The following NBEA variants were observed in gnomAD, a reference collection of about 807,000 sequenced individuals.
NBEA encodes the protein lysosomal-trafficking regulator 2.
A neutral mutation model predicts 343.4 loss-of-function variants in NBEA; 44 were observed. That is an observed-to-expected ratio of 0.13 (90% CI 0.10 to 0.16). The LOEUF is 0.16. NBEA is among the 10% of genes least tolerant of loss of function. The pLI, the probability that NBEA is intolerant of heterozygous loss-of-function variation, is 1.00. For missense variants in NBEA, 2,555 were observed against 3,631.3 expected, an observed-to-expected ratio of 0.70 and a Z score of 7.62; for synonymous variants, 1,175 against 1,238.7, an observed-to-expected ratio of 0.95 and a Z score of 1.08.
At chr13:35,083,124 G>A (rs548088074) in intron 10 of NBEA, among the ~76,000 whole-genome samples, 1 of 152,122 alleles carries the variant, frequency 6.6e-6, no homozygotes, top group Non-Finnish European at 1.5e-5. Context: ...TCCAGTTTCA[G>A]CTCTGTACAT....
intron 38 of NBEA, among the ~76,000 whole-genome samples, chr13:35,387,169 T>C (rs2042280201): frequency 6.6e-6 from 1 of 152,156 alleles, no homozygotes; most frequent in Non-Finnish European, 1.5e-5. Flanking sequence ...CCTGTGTGTA[T>C]AATCATATAT....
intron 55 of NBEA, among the ~76,000 whole-genome samples, chr13:35,656,291 T>C (rs2084809165): frequency 6.6e-6 from 1 of 152,176 alleles, no homozygotes; most frequent in African/African-American, 2.4e-5. Context: ...CCTCAAGTGA[T>C]AGTTATTCCA....
chr13:35,257,806 A>C (rs1036165484), intron 34 of NBEA, among the ~76,000 whole-genome samples: 8 of 152,186 alleles, frequency 5.3e-5, no homozygotes, highest in African/African-American at 1.7e-4. Flanking sequence ...TTTCATATAG[A>C]TCTGATTAAC....
At chr13:35,280,121 C>G (rs1161418883) in intron 34 of NBEA, among the ~76,000 whole-genome samples, 2 of 152,108 alleles carry the variant, frequency 1.3e-5, no homozygotes, top group Non-Finnish European at 2.9e-5. Flanking sequence ...AGGTTGTTCT[C>G]TCTGTACTCA....
At chr13:35,178,150 A>C (rs188256428) in intron 28 of NBEA, among the ~76,000 whole-genome samples, 83 of 151,814 alleles carry the variant, frequency 5.5e-4, no homozygotes, top group African/African-American at 2.0e-3. Flanking sequence ...AAAAATTTTA[A>C]AATGATAATA....
At chr13:35,427,477 G>A (rs1040135396) in intron 38 of NBEA, among the ~76,000 whole-genome samples, 5 of 151,978 alleles carry the variant, frequency 3.3e-5, no homozygotes, top group South Asian at 2.1e-4. Flanking sequence ...TGCTGCTGCC[G>A]AATCGTTCCT....
intron 24 of NBEA, among the ~76,000 whole-genome samples, chr13:35,165,347 C>T (rs2069924663): frequency 6.6e-6 from 1 of 152,196 alleles, no homozygotes; most frequent in Non-Finnish European, 1.5e-5. Flanking sequence ...TATCCTCACA[C>T]ACTTTCCCCA....
intron 33 of NBEA, among the ~76,000 whole-genome samples, chr13:35,223,710 A>G (rs1045335062): frequency 7.9e-5 from 12 of 152,002 alleles, no homozygotes; most frequent in Non-Finnish European, 1.3e-4. Context: ...ATCTCTTAAC[A>G]TATTTCTTCT....
At chr13:35,044,856 CAAT>C (rs1288582317) in intron 2 of NBEA, 88 bp from the exon 3 acceptor site, 1 of 752,328 alleles carries the variant, frequency 1.3e-6, no homozygotes, top group East Asian at 2.9e-5. Context: ...AGAGAGATAA[CAAT>C]GATAACTTTT....
chr13:35,450,645 A>G (rs1229968544), intron 39 of NBEA, among the ~76,000 whole-genome samples: 1 of 152,222 alleles, frequency 6.6e-6, no homozygotes, highest in African/African-American at 2.4e-5. Context: ...GTCCGACACC[A>G]TAATGTCCCC....
chr13:35,086,993 T>A (rs1283789346), intron 10 of NBEA, among the ~76,000 whole-genome samples: 1 of 151,428 alleles, frequency 6.6e-6, no homozygotes, highest in African/African-American at 2.4e-5. Flanking sequence ...TTAATGGGGT[T>A]ATTTTTTTTT....
Position 34,942,675 on chromosome 13 carries a change from C to A in NBEA, c.-146C>A. ...AGCGCCGGAGCGGGCCGGGCTGAGG[C>A]GCAGGCGGGGAGCGGGCCCGGCGCC... On this transcript the variant is annotated 5_prime_UTR_variant, in exon 1 of 59. Transcript: ENST00000379939. The A allele has an allele frequency of 4.1e-6, 2 of 490,282 alleles. No individual in the cohort carries two copies. Among genetic ancestry groups the A allele is most frequent in the Non-Finnish European group, 6.3e-6 (2 of 319,008 alleles). 30.4% of individuals were successfully genotyped at this position (490,282 alleles called of 1,614,324 possible).
At chr13:35,656,840 T>C (rs933880800) in intron 55 of NBEA, among the ~76,000 whole-genome samples, 3 of 152,204 alleles carry the variant, frequency 2.0e-5, no homozygotes, top group African/African-American at 7.2e-5. Context: ...GGAATACTTA[T>C]AACCCAACAG....
chr13:35,311,518 G>C (rs534409054), intron 36 of NBEA, among the ~76,000 whole-genome samples: 2 of 152,042 alleles, frequency 1.3e-5, no homozygotes, highest in East Asian at 3.9e-4. Context: ...CTTTATATTA[G>C]GAAAGGTTAG....
intron 18 of NBEA, among the ~76,000 whole-genome samples, chr13:35,150,832 G>GTAGA (rs1368799528): frequency 6.9e-5 from 6 of 87,238 alleles, no homozygotes; most frequent in African/African-American, 3.2e-4. Context: ...AGTAGAGTAG[G>GTAGA]AGGCCAGGCA....
chr13:35,279,491 CA>C (rs1349018265), intron 34 of NBEA, among the ~76,000 whole-genome samples: 1 of 152,090 alleles, frequency 6.6e-6, no homozygotes, highest in Non-Finnish European at 1.5e-5. Flanking sequence ...TTTGAATGAT[CA>C]GGATAAACCC....
Position 35,431,396 on chromosome 13 carries a change from G to A in NBEA, c.6180-873G>A, listed in dbSNP as rs567857113. 2.6e-5 allele frequency among the ~76,000 whole-genome samples: 4 copies of A among 152,124 alleles called. No individual in the cohort carries two copies. In the South Asian group the frequency reaches 8.3e-4, roughly 32 times the overall value. On this transcript the variant is annotated intron_variant, in intron 38 of 58. Coordinates refer to ENST00000379939, the MANE Select transcript of NBEA (RefSeq NM_001385012.1). ...TGCAGAAAAATTGACGTCTTAAGCA[G>A]TGGTATTTATTACTAATGTTTATTG...
At chr13:35,603,432 CGCCTTTGT>C (rs1038844961) in intron 47 of NBEA, among the ~76,000 whole-genome samples, 64 of 152,122 alleles carry the variant, frequency 4.2e-4, no homozygotes, top group African/African-American at 1.5e-3. Flanking sequence ...ATGTTTCTTG[CGCCTTTGT>C]GAATCTAATT....
intron 25 of NBEA, 104 bp from the exon 26 acceptor site, chr13:35,171,168 G>A: frequency 1.1e-6 from 1 of 923,760 alleles, no homozygotes; most frequent in Non-Finnish European, 1.7e-6. Flanking sequence ...ATAAAATATG[G>A]TAAATATACT....
Sources: gnomAD v4.1 joint callset for allele counts (sites outside exome capture counted in the v4.1 genomes callset) on GRCh38, gnomAD v4.1.1 for gene constraint, MANE v1.5 for transcripts, NCBI Gene and HGNC (gene_info 2026-07-23, HGNC 2026-07-21) for gene names.